SLC24A2: variants seen among roughly 807,000 people sequenced by gnomAD.
SLC24A2 encodes solute carrier family 24 member 2.
SLC24A2 carries 36 observed loss-of-function variants against 62.0 expected under a neutral mutation model. The ratio of observed to expected loss-of-function variants is 0.58; its 90% CI spans 0.44 to 0.77. SLC24A2 has a LOEUF of 0.77. Ranked by LOEUF, SLC24A2 falls within the 30% of genes least tolerant of loss-of-function variation. The pLI is 0.00. For synonymous variants in SLC24A2, 358 were observed against 294.0 expected (o/e 1.22, Z -2.23); for missense variants, 846 against 817.9 (o/e 1.03, Z -0.42).
chr9:19,551,258 C>G (rs1025198680), intron 7 of SLC24A2, among the ~76,000 whole-genome samples: 1 of 152,200 alleles, frequency 6.6e-6, no homozygotes, highest in African/African-American at 2.4e-5. Flanking sequence ...ACAGAAAATA[C>G]AAGTCAAGCA....
chr9:19,687,629 T>C (rs1436448723), intron 2 of SLC24A2, among the ~76,000 whole-genome samples: 3 of 152,090 alleles, frequency 2.0e-5, no homozygotes, highest in Non-Finnish European at 2.9e-5. Flanking sequence ...TTTGGGATCA[T>C]AGGACCACTT....
chr9:19,903,587 GAA>G, the SLC24A2 span, among the ~76,000 whole-genome samples: 13 of 152,188 alleles, frequency 8.5e-5, no homozygotes, highest in Non-Finnish European at 1.9e-4. Flanking sequence ...GCTGCAGCAA[GAA>G]AAGAGACAGA....
the SLC24A2 span, among the ~76,000 whole-genome samples, chr9:19,806,772 G>A: frequency 6.6e-6 from 1 of 152,174 alleles, no homozygotes; most frequent in African/African-American, 2.4e-5. Context: ...TTGCAACTCT[G>A]TGCCATGCGA....
intron 2 of SLC24A2, among the ~76,000 whole-genome samples, chr9:19,626,932 C>T (rs1042552673): frequency 6.6e-6 from 1 of 152,204 alleles, no homozygotes; most frequent in Non-Finnish European, 1.5e-5. Context: ...CACCCTACTA[C>T]CTCTTAGTCA....
chr9:19,657,363 T>A (rs1180064330), intron 2 of SLC24A2, among the ~76,000 whole-genome samples: 1 of 152,172 alleles, frequency 6.6e-6, no homozygotes, highest in East Asian at 1.9e-4. Flanking sequence ...CTCTGTGTAT[T>A]CTTTTTTTCA....
At position 19,786,342 on chromosome 9, in the gene SLC24A2, A is replaced by C; in HGVS notation, c.525T>G (p.Ala175=). The change falls in exon 2 of 11, where the codon GCT becomes GCG. Residue 175 remains alanine, a synonymous_variant. Coordinates refer to ENST00000341998, the MANE Select transcript of SLC24A2 (RefSeq NM_020344.4). This position sits in a 1 kb window ranked among gnomAD's most constrained non-coding sequence, Gnocchi z 5.0. ...CTCCTGCAGCCATGAAGGTGGCTCCAGCCACATCATCAGAGATGCCCAGTT... is the reference window on the plus strand; with the variant it reads ...CTCCTGCAGCCATGAAGGTGGCTCCCGCCACATCATCAGAGATGCCCAGTT... ...TEKLGISDDV[A]GATFMAAGGS... 1 of 1,614,244 alleles carries C rather than the reference A, an allele frequency of 6.2e-7. No homozygotes were observed. Among genetic ancestry groups the C allele is most frequent in the Non-Finnish European group, 8.5e-7 (1 of 1,180,048 alleles).
chr9:20,127,029 CT>C, the SLC24A2 span, among the ~76,000 whole-genome samples: 3 of 152,098 alleles, frequency 2.0e-5, no homozygotes, highest in Non-Finnish European at 4.4e-5. Context: ...CATTTCATCT[CT>C]TTTTTTCTAT....
the SLC24A2 span, among the ~76,000 whole-genome samples, chr9:20,019,283 GA>G: frequency 6.7e-6 from 1 of 149,404 alleles, no homozygotes; most frequent in Admixed American, 6.6e-5. Context: ...AAGAAAGAAA[GA>G]AAGAAAGAAA....
chr9:20,289,289 G>A, the SLC24A2 span, among the ~76,000 whole-genome samples: 1 of 152,252 alleles, frequency 6.6e-6, no homozygotes, highest in East Asian at 1.9e-4. Flanking sequence ...TTTAGAGTTT[G>A]CTTCTTGCAC....
chr9:19,764,412 C>G (rs957590580), intron 2 of SLC24A2, among the ~76,000 whole-genome samples: 1 of 152,198 alleles, frequency 6.6e-6, no homozygotes, highest in African/African-American at 2.4e-5. Flanking sequence ...AATTTTGGAT[C>G]TTTCCCACTT....
the SLC24A2 span, among the ~76,000 whole-genome samples, chr9:19,798,879 A>T: frequency 6.6e-6 from 1 of 152,296 alleles, no homozygotes; most frequent in African/African-American, 2.4e-5. Flanking sequence ...ATTTCTGGTT[A>T]AAAAATGTGA....
At chr9:20,233,615 T>G in the SLC24A2 span, among the ~76,000 whole-genome samples, 1 of 152,246 alleles carries the variant, frequency 6.6e-6, no homozygotes. Context: ...TGAGCCTATG[T>G]GTGTCTCTGC....
the SLC24A2 span, among the ~76,000 whole-genome samples, chr9:19,915,509 T>C: frequency 6.6e-6 from 1 of 152,112 alleles, no homozygotes; most frequent in Admixed American, 6.6e-5. Context: ...TGCCAAACTT[T>C]TTCCAGAGCA....
At chr9:19,788,246 C>T (rs902283917) in intron 1 of SLC24A2, among the ~76,000 whole-genome samples, 2 of 152,334 alleles carry the variant, frequency 1.3e-5, no homozygotes, top group South Asian at 2.1e-4. Flanking sequence ...TCCCAGGTGG[C>T]TGCGAACGTC....
chr9:20,146,402 G>C, the SLC24A2 span, among the ~76,000 whole-genome samples: 4 of 152,064 alleles, frequency 2.6e-5, no homozygotes, highest in East Asian at 7.7e-4. Context: ...TCTTAGGTGA[G>C]AATTTTAATT....
At chr9:20,011,874 AG>A in the SLC24A2 span, among the ~76,000 whole-genome samples, 4 of 152,246 alleles carry the variant, frequency 2.6e-5, no homozygotes, top group Non-Finnish European at 4.4e-5. Context: ...TGGAATTCAA[AG>A]ATGGCTCAAC....
At chr9:20,102,861 A>G in the SLC24A2 span, among the ~76,000 whole-genome samples, 6 of 152,022 alleles carry the variant, frequency 3.9e-5, no homozygotes, top group African/African-American at 1.4e-4. Flanking sequence ...CAGTAGGTGC[A>G]GTGCACCGTG....
chr9:19,871,643 A>G, the SLC24A2 span, among the ~76,000 whole-genome samples: 1 of 152,210 alleles, frequency 6.6e-6, no homozygotes, highest in African/African-American at 2.4e-5. Context: ...ACAATATACA[A>G]GATTAGTTGT....
At chr9:20,169,897 G>C in the SLC24A2 span, among the ~76,000 whole-genome samples, 1 of 151,990 alleles carries the variant, frequency 6.6e-6, no homozygotes. Flanking sequence ...GGAGGCACTA[G>C]AGAAAGGCAA....
Sources: allele counts gnomAD v4.1 joint callset (sites outside exome capture counted in the v4.1 genomes callset), GRCh38; gene constraint gnomAD v4.1.1; non-coding constraint Gnocchi (gnomAD v3.1); transcripts MANE v1.5; gene names NCBI Gene and HGNC (gene_info 2026-07-23, HGNC 2026-07-21).